Variants in ANGPT2 observed in about 807,000 individuals in gnomAD.
The protein encoded by ANGPT2 is angiopoietin-2.
A neutral mutation model predicts 62.9 loss-of-function variants in ANGPT2; 28 were observed. The observed-to-expected ratio is 0.44, with a 90% confidence interval of 0.33 to 0.61. The LOEUF is 0.61. Among genes scored for constraint, ANGPT2 ranks in the 20% least tolerant of loss-of-function variants. The pLI is 0.03. For missense variants in ANGPT2, 727 were observed against 594.9 expected, an observed-to-expected ratio of 1.22 and a Z score of -2.31; for synonymous variants, 284 against 207.8, an observed-to-expected ratio of 1.37 and a Z score of -3.15.
intron 1 of ANGPT2, among the ~76,000 whole-genome samples, chr8:6,559,648 C>T (rs924640078): frequency 6.6e-6 from 1 of 152,100 alleles, no homozygotes; most frequent in African/African-American, 2.4e-5. Context: ...TGAAATAGTT[C>T]TTTCCTTTCC....
At chr8:6,528,606 G>C (rs2922887) in intron 2 of ANGPT2, among the ~76,000 whole-genome samples, 67,999 of 152,178 alleles carry the variant, frequency 0.45, 16,501 homozygotes, top group African/African-American at 0.65. Flanking sequence ...GCCTTTGTGA[G>C]CTACTGCGTG....
intron 3 of ANGPT2, among the ~76,000 whole-genome samples, chr8:6,525,381 C>T (rs1008858687): frequency 6.6e-6 from 1 of 152,068 alleles, no homozygotes; most frequent in African/African-American, 2.4e-5. Context: ...AGGTGTGTGC[C>T]ACCACATCTG....
intron 8 of ANGPT2, among the ~76,000 whole-genome samples, chr8:6,505,587 T>C (rs11786977): frequency 9.7e-6 from 1 of 102,640 alleles, no homozygotes; most frequent in Non-Finnish European, 2.0e-5. Context: ...TATATTCTTT[T>C]TGTATATATG....
intron 8 of ANGPT2, among the ~76,000 whole-genome samples, chr8:6,506,537 T>A (rs886368528): frequency 1.3e-5 from 2 of 152,196 alleles, no homozygotes; most frequent in East Asian, 3.9e-4. Flanking sequence ...AGGAGAGAGC[T>A]GGGTCCAGCA....
Position 6,551,560 on chromosome 8 carries a change from T to G in ANGPT2, c.288+11087A>C, listed in dbSNP as rs577363120. On this transcript the variant is annotated intron_variant, in intron 1 of 8. Coordinates refer to ENST00000629816, the MANE Select transcript of ANGPT2 (RefSeq NM_001118887.2). The stretch of plus-strand genomic sequence containing the variant: ...GGCTGGTGTTCTGATTAGTCTTAAT[T>G]TTTTTTAACTCATAACATTTTTGTC... 5.9e-5 allele frequency among the ~76,000 whole-genome samples: 9 copies of G among 152,276 alleles called. No individual in the cohort carries two copies. In the South Asian group the frequency reaches 1.9e-3, roughly 32 times the overall value.
chr8:6,514,285 G>T (rs1376401082), intron 6 of ANGPT2, among the ~76,000 whole-genome samples: 2 of 152,166 alleles, frequency 1.3e-5, no homozygotes, highest in Non-Finnish European at 2.9e-5. Flanking sequence ...TGCCTCCCAG[G>T]TTCAAGCGAT....
At chr8:6,526,028 T>C (rs1018900817) in intron 3 of ANGPT2, among the ~76,000 whole-genome samples, 1 of 152,112 alleles carries the variant, frequency 6.6e-6, no homozygotes, top group East Asian at 1.9e-4. Flanking sequence ...GTCACGGACA[T>C]CATTGTATAA....
At chr8:6,538,740 A>G (rs1377135499) in intron 1 of ANGPT2, among the ~76,000 whole-genome samples, 1 of 152,228 alleles carries the variant, frequency 6.6e-6, no homozygotes, top group Non-Finnish European at 1.5e-5. Context: ...AAATCTCCAC[A>G]GACAATAGGT....
intron 1 of ANGPT2, among the ~76,000 whole-genome samples, chr8:6,543,565 A>G (rs79338102): frequency 0.031 from 4,657 of 152,272 alleles, 246 homozygotes; most frequent in East Asian, 0.22. Flanking sequence ...GCGCTGTCGT[A>G]TAAGGCCAGG....
At position 6,505,275 on chromosome 8, in the gene ANGPT2, T is replaced by G. The variant is rs377313407; in HGVS notation, c.1328-2014A>C. 3.5e-3 allele frequency among the ~76,000 whole-genome samples: 96 copies of G among 27,060 alleles called. 8 individuals carry two copies. Among genetic ancestry groups the G allele is most frequent in the African/African-American group, 0.012 (68 of 5,888 alleles). 17.8% of individuals were successfully genotyped at this position (27,060 alleles called of 152,430 possible). On this transcript the variant is annotated intron_variant, in intron 8 of 8. Transcript: ENST00000629816. Reference sequence around the variant, plus strand: ...TTTATATATGTTTTATATATATGTATACATATATATGTTATATACATATAT... The same window carrying G: ...TTTATATATGTTTTATATATATGTAGACATATATATGTTATATACATATAT...
chr8:6,523,080 C>A (rs1817668062), intron 3 of ANGPT2, among the ~76,000 whole-genome samples: 1 of 152,056 alleles, frequency 6.6e-6, no homozygotes, highest in Non-Finnish European at 1.5e-5. Context: ...TCACTGCAAC[C>A]TTCACCTCCC....
chr8:6,547,992 G>A (rs1374648266), intron 1 of ANGPT2, among the ~76,000 whole-genome samples: 6 of 151,548 alleles, frequency 4.0e-5, no homozygotes, highest in South Asian at 2.1e-4. Flanking sequence ...ATTCTTGAAC[G>A]CTTCCCTCAG....
chr8:6,505,385 C>A (rs10595687), intron 8 of ANGPT2, among the ~76,000 whole-genome samples: 899 of 45,444 alleles, frequency 0.02, 145 homozygotes, highest in African/African-American at 0.059. Flanking sequence ...TATATTCTTT[C>A]TATATGTATA....
At chr8:6,557,669 TATG>T (rs534580066) in intron 1 of ANGPT2, among the ~76,000 whole-genome samples, 4 of 137,472 alleles carry the variant, frequency 2.9e-5, no homozygotes, top group Admixed American at 7.7e-5. Flanking sequence ...TTATATTTAA[TATG>T]ATATATATGT....
chr8:6,563,083 T>A lies in ANGPT2; in HGVS notation c.-149A>T. 1 of 833,926 alleles carries A rather than the reference T, an allele frequency of 1.2e-6. No homozygotes were observed. Among genetic ancestry groups the A allele is most frequent in the Non-Finnish European group, 1.8e-6 (1 of 558,150 alleles). 51.7% of individuals were successfully genotyped at this position (833,926 alleles called of 1,614,324 possible). ...AGTCTTCTCTTTCCTCTTTTTCCAGTAGCAAACCTGGTTTTTACTGCTGTG... is the reference window on the plus strand; with the variant it reads ...AGTCTTCTCTTTCCTCTTTTTCCAGAAGCAAACCTGGTTTTTACTGCTGTG... On this transcript the variant is annotated 5_prime_UTR_variant, in exon 1 of 9. Transcript: ENST00000629816.
chr8:6,545,682 A>T (rs1481687972), intron 1 of ANGPT2, among the ~76,000 whole-genome samples: 1 of 152,240 alleles, frequency 6.6e-6, no homozygotes, highest in African/African-American at 2.4e-5. Context: ...TGTGGTTCCC[A>T]TTAGTCTAAA....
Position 6,520,131 on chromosome 8 carries a change from T to G in ANGPT2, c.800-140A>C, listed in dbSNP as rs1817035350. The G allele has an allele frequency of 4.3e-6, 4 of 933,336 alleles. No individual in the cohort carries two copies. The East Asian group carries it at 1.0e-4, about 24-fold the overall frequency. The allele number at this position is 933,336 out of a possible 1,614,324, so 57.8% of individuals were successfully genotyped here. A position where few individuals can be genotyped will look rare whatever the true frequency, so the allele number is the denominator to read the frequency against. On this transcript the variant is annotated intron_variant, in intron 4 of 8. Coordinates refer to ENST00000629816, the MANE Select transcript of ANGPT2 (RefSeq NM_001118887.2). ...AAAAGGCTGTACCACTTTTTTAACC[T>G]TTCTAGAAAGTTTCCTTTCAGCCTG...
At chr8:6,507,407 C>T (rs1813964530) in intron 8 of ANGPT2, among the ~76,000 whole-genome samples, 1 of 152,104 alleles carries the variant, frequency 6.6e-6, no homozygotes, top group African/African-American at 2.4e-5. Flanking sequence ...TCATTTTGCA[C>T]TATTGGCAGA....
At chr8:6,552,804 A>G (rs2129575025) in intron 1 of ANGPT2, among the ~76,000 whole-genome samples, 1 of 146,854 alleles carries the variant, frequency 6.8e-6, no homozygotes, top group East Asian at 1.9e-4. Flanking sequence ...ATTGTTCTAC[A>G]GTTATTCCTG....
Sources: gnomAD v4.1 joint callset for allele counts (sites outside exome capture counted in the v4.1 genomes callset) on GRCh38, gnomAD v4.1.1 for gene constraint, MANE v1.5 for transcripts, NCBI Gene and HGNC (gene_info 2026-07-23, HGNC 2026-07-21) for gene names.